NIT2: variants seen among roughly 807,000 people sequenced by gnomAD.
The protein encoded by NIT2 is omega-amidase NIT2.
A neutral mutation model predicts 42.7 loss-of-function variants in NIT2; 46 were observed. The observed-to-expected ratio is 1.08, with a 90% CI of 0.85 to 1.38. The LOEUF (loss-of-function observed/expected upper bound fraction) is 1.38, where lower values mean the gene tolerates loss of function less well. Ranked by LOEUF, NIT2 falls within the 40% of genes most tolerant of loss-of-function variation. NIT2 has a pLI of 0.00. For missense variants in NIT2, 309 were observed against 342.5 expected, an observed-to-expected ratio of 0.90 and a Z score of 0.77; for synonymous variants, 123 against 121.9, an observed-to-expected ratio of 1.01 and a Z score of -0.06.
At position 100,361,632 on chromosome 3, in the gene NIT2, C is replaced by G. The variant is rs924957537; in HGVS notation, c.*6364C>G. ...GTAAACCAGACTAGTTATTTTCATG[C>G]TAAGAGTCTGAAAACAGTGCCTTCT... On this transcript the variant is annotated 3_prime_UTR_variant, in exon 10 of 10. Coordinates refer to ENST00000394140, the MANE Select transcript of NIT2 (RefSeq NM_020202.5). 6 of 152,178 alleles carry G rather than the reference C, an allele frequency of 3.9e-5. No homozygotes were observed. Among genetic ancestry groups the G allele is most frequent in the African/African-American group, 1.4e-4 (6 of 41,430 alleles). 9.4% of individuals were successfully genotyped at this position (152,178 alleles called of 1,614,324 possible).
In NIT2 at chr3:100,341,128, G is replaced by A. The variant is rs891281709; in HGVS notation, c.303G>A (p.Gly101=). The A allele has an allele frequency of 7.4e-6, 12 of 1,613,400 alleles. No individual in the cohort carries two copies. The African/African-American group carries it at 1.6e-4, about 22-fold the overall frequency. ...GKLYNTCAVF[G]PDGTLLAKYR... The stretch of plus-strand genomic sequence containing the variant: ...TATATAACACCTGTGCTGTGTTTGG[G>A]CCTGATGGAACTTTACTAGCAAAGT... Residue 101 remains glycine (G), a synonymous_variant, in exon 4 of 10, where the codon GGG becomes GGA. Transcript: ENST00000394140.
intron 4 of NIT2, among the ~76,000 whole-genome samples, chr3:100,344,999 G>A (rs1706198608): frequency 6.6e-6 from 1 of 150,944 alleles, no homozygotes; most frequent in African/African-American, 2.4e-5. Flanking sequence ...CTGTCACCCA[G>A]GCTGGAGTGC....
chr3:100,350,420 T>C (rs1706261575), intron 7 of NIT2, among the ~76,000 whole-genome samples: 1 of 152,236 alleles, frequency 6.6e-6, no homozygotes, highest in African/African-American at 2.4e-5. Context: ...AAGCGCCATG[T>C]GGCCTGCAAG....
chr3:100,356,276 C>G lies in NIT2; in HGVS notation c.*1008C>G, dbSNP rs1201037575. The stretch of plus-strand genomic sequence containing the variant: ...AACAACCAGCTATTTGAGAAAAAGC[C>G]CTGATTTTGCTGCTTTTCATGGTGT... On this transcript the variant is annotated 3_prime_UTR_variant, in exon 10 of 10. Transcript: ENST00000394140. 6.6e-6 allele frequency: 1 copy of G among 152,114 alleles called. No homozygotes were observed. Among genetic ancestry groups the G allele is most frequent in the African/African-American group, 2.4e-5 (1 of 41,412 alleles). The allele number at this position is 152,114 out of a possible 1,614,324, so 9.4% of individuals were successfully genotyped here.
chr3:100,336,934 C>CTA (rs1423603744), intron 1 of NIT2, among the ~76,000 whole-genome samples: 6 of 152,194 alleles, frequency 3.9e-5, no homozygotes, highest in Admixed American at 6.5e-5. Flanking sequence ...ATATTTCAGA[C>CTA]TATCACATGG....
rs1304227681 is a variant in NIT2, at chr3:100,356,747, C to T, written c.*1479C>T. 4 of 152,196 alleles carry T rather than the reference C, an allele frequency of 2.6e-5. No individual in the cohort carries two copies. Among genetic ancestry groups the T allele is most frequent in the Non-Finnish European group, 5.9e-5 (4 of 68,040 alleles). The allele number at this position is 152,196 out of a possible 1,614,324, so 9.4% of individuals were successfully genotyped here. On this transcript the variant is annotated 3_prime_UTR_variant, in exon 10 of 10. Coordinates refer to ENST00000394140, the MANE Select transcript of NIT2 (RefSeq NM_020202.5). ...TCCAATCAAGATAACATATTTACCA[C>T]CCCCAACAGTTTCCATGTGCTGTAT...
At position 100,355,255 on chromosome 3, in the gene NIT2, T is replaced by A; in HGVS notation, c.818T>A (p.Met273Lys). 1 of 1,613,320 alleles carries A rather than the reference T, an allele frequency of 6.2e-7. No homozygotes were observed. Among genetic ancestry groups the A allele is most frequent in the Non-Finnish European group, 8.5e-7 (1 of 1,179,378 alleles). ...QKRSDLYAVEMKKP is the reference protein window; with the variant it reads ...QKRSDLYAVEKKKP ...CGATCAGACCTCTATGCTGTGGAGA[T>A]GAAAAAGCCCTAAAGTTTATGTTTC... is the stretch of plus-strand genomic sequence containing the variant. Residue 273 changes from methionine (M) to lysine (K), a missense_variant, in exon 10 of 10, where the codon ATG becomes AAG. Transcript: ENST00000394140.
At chr3:100,341,299 GGTTATTCTTGGCCATTTGCATTT>G in intron 4 of NIT2, 138 bp downstream of exon 4, 1 of 609,252 alleles carries the variant, frequency 1.6e-6, no homozygotes, top group Non-Finnish European at 3.0e-6. Context: ...TGGCACAGGT[GGTTATTCTTGGCCATTTGCATTT>G]TTATATAAGT....
intron 6 of NIT2, among the ~76,000 whole-genome samples, chr3:100,347,321 C>G (rs1422623974): frequency 1.3e-5 from 2 of 152,320 alleles, no homozygotes; most frequent in East Asian, 3.9e-4. Context: ...GTCTTGAACT[C>G]CTGACTTCAG....
intron 9 of NIT2, 77 bp from the exon 10 acceptor site, chr3:100,355,100 T>C: frequency 9.3e-7 from 1 of 1,071,884 alleles, no homozygotes; most frequent in Non-Finnish European, 1.4e-6. Context: ...TGGTGGTTTA[T>C]ACAGTCAGGG....
In NIT2 at chr3:100,361,136, CCTTTT is replaced by C. The variant is rs1231822196; in HGVS notation, c.*5869_*5873del. ...TTTTCAAGAAGGGTAACATCTTAGA[CCTTTT>C]ACAGCTCTTGACACAGAGCAATATT... On this transcript the variant is annotated 3_prime_UTR_variant, in exon 10 of 10. Coordinates refer to ENST00000394140, the MANE Select transcript of NIT2 (RefSeq NM_020202.5). The C allele has an allele frequency of 2.6e-5, 4 of 152,688 alleles. No individual in the cohort carries two copies. Among genetic ancestry groups the C allele is most frequent in the Admixed American group, 2.0e-4 (3 of 15,274 alleles). 9.5% of individuals were successfully genotyped at this position (152,688 alleles called of 1,614,324 possible).
chr3:100,340,395 G>GA (rs908180837), intron 3 of NIT2, among the ~76,000 whole-genome samples: 1 of 151,842 alleles, frequency 6.6e-6, no homozygotes, highest in Non-Finnish European at 1.5e-5. Context: ...AGAGGATTGA[G>GA]AAAAAAAATT....
chr3:100,334,840 C>CGGG lies in NIT2; in HGVS notation c.7+45_7+47dup, dbSNP rs3830303. 29 of 1,295,308 alleles carry CGGG rather than the reference C, an allele frequency of 2.2e-5. No homozygotes were observed. The African/African-American group carries it at 3.3e-4, about 15-fold the overall frequency. The allele number at this position is 1,295,308 out of a possible 1,614,324, so 80.2% of individuals were successfully genotyped here. On this transcript the variant is annotated intron_variant, in intron 1 of 9. Transcript: ENST00000394140. ...CGCGCTGCAGCTCGAGTTCGGGCCG[C>CGGG]GGGGGAGGCTTTGGAGCGGCGCCGG...
rs569686535 is a variant in NIT2 at position 100,345,861 on chromosome 3, G to A, written c.430+183G>A. ...TATTTGAGAACTAAGGATTTGACACGATTTTGCCCTTTGATTTGATTGTAG... is the reference window on the plus strand; with the variant it reads ...TATTTGAGAACTAAGGATTTGACACAATTTTGCCCTTTGATTTGATTGTAG... On this transcript the variant is annotated intron_variant, in intron 5 of 9. Coordinates refer to ENST00000394140, the MANE Select transcript of NIT2 (RefSeq NM_020202.5). The A allele has an allele frequency of 9.9e-6, 6 of 608,922 alleles. No homozygotes were observed. In the East Asian group the frequency reaches 1.1e-4, roughly 11 times the overall value. 37.7% of individuals were successfully genotyped at this position (608,922 alleles called of 1,614,324 possible).
At chr3:100,353,488 G>A (rs9873033) in intron 8 of NIT2, among the ~76,000 whole-genome samples, 47,918 of 152,024 alleles carry the variant, frequency 0.32, 8,041 homozygotes, top group African/African-American at 0.43. Context: ...GGACATTGAA[G>A]GACTAAGTTG....
At chr3:100,342,578 C>T (rs1289726958) in intron 4 of NIT2, among the ~76,000 whole-genome samples, 2 of 151,102 alleles carry the variant, frequency 1.3e-5, no homozygotes, top group Admixed American at 6.6e-5. Context: ...TAACTTTTCA[C>T]AGGCTACTTA....
In NIT2 at chr3:100,356,462, A is replaced by T. The variant is rs1423902324; in HGVS notation, c.*1194A>T. On this transcript the variant is annotated 3_prime_UTR_variant, in exon 10 of 10. Transcript: ENST00000394140. ...ATCATATAGATATTTACCATTTACC[A>T]TATTGGAAAGTAAAATGGAGAAAAA... The T allele has an allele frequency of 6.6e-6, 1 of 152,230 alleles. No homozygotes were observed. Among genetic ancestry groups the T allele is most frequent in the Admixed American group, 6.5e-5 (1 of 15,286 alleles). The allele number at this position is 152,230 out of a possible 1,614,324, so 9.4% of individuals were successfully genotyped here. A position where few individuals can be genotyped will look rare whatever the true frequency, so the allele number is the denominator to read the frequency against.
In NIT2 at chr3:100,357,043, A is replaced by C. The variant is rs980825685; in HGVS notation, c.*1775A>C. ...AGACCTCAAAATTACTTGGAGATTC[A>C]TCTGGTATGTGCATTAATAATTCAT... On this transcript the variant is annotated 3_prime_UTR_variant, in exon 10 of 10. Transcript: ENST00000394140. 1 of 152,170 alleles carries C rather than the reference A, an allele frequency of 6.6e-6. No homozygotes were observed. Among genetic ancestry groups the C allele is most frequent in the Non-Finnish European group, 1.5e-5 (1 of 68,036 alleles). 9.4% of individuals were successfully genotyped at this position (152,170 alleles called of 1,614,324 possible).
chr3:100,340,684 T>C (rs1706139681), intron 3 of NIT2, among the ~76,000 whole-genome samples: 1 of 151,808 alleles, frequency 6.6e-6, no homozygotes. Context: ...GAATTCAAGT[T>C]AAGCAATGGG....
Sources: allele counts gnomAD v4.1 joint callset (sites outside exome capture counted in the v4.1 genomes callset), GRCh38; gene constraint gnomAD v4.1.1; transcripts MANE v1.5; gene names NCBI Gene and HGNC (gene_info 2026-07-23, HGNC 2026-07-21).